The following CDH18 variants were observed in gnomAD, a reference collection of about 807,000 sequenced individuals.
The protein encoded by CDH18 is cadherin 18, also known as cadherin-18.
Under a neutral mutation model 67.9 loss-of-function variants are expected in CDH18, and 31 were observed. That is an observed-to-expected ratio of 0.46 (90% CI 0.34 to 0.62). The LOEUF is 0.62. CDH18 is among the 20% of genes least tolerant of loss of function. The pLI, the probability that CDH18 is intolerant of heterozygous loss-of-function variation, is 0.01. For missense variants in CDH18, 890 were observed against 975.5 expected (o/e 0.91, Z 1.17); for synonymous variants, 362 against 347.2 (o/e 1.04, Z -0.48).
In CDH18 at chr5:20,173,464, G is replaced by A. The variant is rs567559706; in HGVS notation, c.-518+81980C>T. Among the ~76,000 whole-genome samples, 23 of 152,254 alleles carry A rather than the reference G, an allele frequency of 1.5e-4. No homozygotes were observed. The South Asian group carries it at 1.9e-3, about 12-fold the overall frequency. On this transcript the variant is annotated intron_variant, in intron 2 of 14. Coordinates refer to the CDH18 transcript ENST00000507958. The stretch of plus-strand genomic sequence containing the variant: ...GGAGGAAAAGCAATCTAGATGGCAG[G>A]TTTGAAGCTGGAGGGTCGGTAAGAT...
chr5:20,129,358 ATTAATTTTACACAAT>A (rs1250346298), intron 2 of CDH18, among the ~76,000 whole-genome samples: 2 of 152,116 alleles, frequency 1.3e-5, no homozygotes, highest in African/African-American at 4.8e-5. Flanking sequence ...GAAAACATAC[ATTAATTTTACACAAT>A]TTGCTTTTTA....
At chr5:20,145,351 T>C (rs1224456029) in intron 2 of CDH18, among the ~76,000 whole-genome samples, 1 of 152,186 alleles carries the variant, frequency 6.6e-6, no homozygotes, top group East Asian at 1.9e-4. Context: ...TTATTCACAT[T>C]ATTATAATAA....
chr5:20,167,956 G>C (rs1736420262), intron 2 of CDH18, among the ~76,000 whole-genome samples: 1 of 152,164 alleles, frequency 6.6e-6, no homozygotes, highest in Non-Finnish European at 1.5e-5. Context: ...TTAAAAATGT[G>C]TGGTGTGGAT....
chr5:20,212,177 A>G lies in CDH18; in HGVS notation c.-518+43267T>C, dbSNP rs375891553. Among the ~76,000 whole-genome samples the G allele has an allele frequency of 2.0e-5, 3 of 152,194 alleles. No individual in the cohort carries two copies. In the East Asian group the frequency reaches 5.8e-4, roughly 29 times the overall value. ...GATTCGATCAACTGGAAGAAAGGGT[A>G]TCAGTGATTGAAGATAAAATGAATG... is the stretch of plus-strand genomic sequence containing the variant. On this transcript the variant is annotated intron_variant, in intron 2 of 14. Coordinates refer to the CDH18 transcript ENST00000507958.
intron 1 of CDH18, among the ~76,000 whole-genome samples, chr5:20,351,558 G>C (rs183233031): frequency 6.7e-6 from 1 of 149,250 alleles, no homozygotes; most frequent in East Asian, 2.0e-4. Context: ...GACTTAGTTT[G>C]TCCATACAGT....
intron 3 of CDH18, among the ~76,000 whole-genome samples, chr5:19,767,408 G>A (rs977691653): frequency 2.6e-5 from 4 of 152,094 alleles, no homozygotes; most frequent in African/African-American, 9.6e-5. Flanking sequence ...AAAACGTCAT[G>A]AAGGAAATAA....
rs573219751 is a variant in CDH18 at position 19,613,406 on chromosome 5, T to C, written c.644-805A>G. On this transcript the variant is annotated intron_variant, in intron 5 of 12. Transcript: ENST00000382275. The stretch of plus-strand genomic sequence containing the variant: ...CAGAGATTATAGGCAGGAGGCATAT[T>C]AACACGTATCAAAGACTAAGAAACT... Among the ~76,000 whole-genome samples, 24 of 152,280 alleles carry C rather than the reference T, an allele frequency of 1.6e-4. No homozygotes were observed. In the East Asian group the frequency reaches 3.5e-3, roughly 22 times the overall value.
chr5:19,553,065 T>C (rs1236156987), intron 8 of CDH18, among the ~76,000 whole-genome samples: 1 of 152,112 alleles, frequency 6.6e-6, no homozygotes, highest in African/African-American at 2.4e-5. Context: ...TAGTAAAAAT[T>C]CAATCTCAAT....
At chr5:20,305,990 A>G (rs1208279225) in intron 1 of CDH18, 1 of 154,592 alleles carries the variant, frequency 6.5e-6, no homozygotes, top group Non-Finnish European at 1.4e-5. Flanking sequence ...AGCTGCATAT[A>G]TATACAATTT....
At chr5:19,492,614 C>T (rs1377685258) in intron 11 of CDH18, among the ~76,000 whole-genome samples, 1 of 151,886 alleles carries the variant, frequency 6.6e-6, no homozygotes. Context: ...TTTAAATGCT[C>T]TAACTTAAAA....
At chr5:19,966,743 C>T (rs190222926) in intron 2 of CDH18, among the ~76,000 whole-genome samples, 2 of 151,934 alleles carry the variant, frequency 1.3e-5, no homozygotes, top group Admixed American at 6.6e-5. Flanking sequence ...TATATGCGTG[C>T]TTATTCACCT....
At chr5:20,424,374 C>A (rs190700285) in intron 1 of CDH18, among the ~76,000 whole-genome samples, 4 of 150,676 alleles carry the variant, frequency 2.7e-5, no homozygotes, top group African/African-American at 1.0e-4. Flanking sequence ...AAGGAAAGAA[C>A]AAGGATGTTT....
At chr5:20,488,294 A>G (rs1753336177) in intron 1 of CDH18, among the ~76,000 whole-genome samples, 1 of 152,180 alleles carries the variant, frequency 6.6e-6, no homozygotes, top group African/African-American at 2.4e-5. Flanking sequence ...ATGCAAAAGT[A>G]CAATCAAGTT....
At chr5:20,510,959 A>T (rs1754996138) in intron 1 of CDH18, among the ~76,000 whole-genome samples, 1 of 152,232 alleles carries the variant, frequency 6.6e-6, no homozygotes, top group Non-Finnish European at 1.5e-5. Flanking sequence ...ATCCTTTTTA[A>T]CAAATGGTAT....
intron 1 of CDH18, among the ~76,000 whole-genome samples, chr5:20,407,722 ATTTT>A (rs76065305): frequency 1.4e-4 from 21 of 149,536 alleles, no homozygotes; most frequent in South Asian, 6.3e-4. Flanking sequence ...AAAAAAAATA[ATTTT>A]TTTTTTTAAA....
chr5:19,589,670 T>C (rs1161354657), intron 7 of CDH18, among the ~76,000 whole-genome samples: 1 of 152,112 alleles, frequency 6.6e-6, no homozygotes, highest in African/African-American at 2.4e-5. Flanking sequence ...AGTCACTTTT[T>C]TCTTACATCT....
At chr5:20,244,922 A>T (rs1413401422) in intron 2 of CDH18, among the ~76,000 whole-genome samples, 1 of 152,120 alleles carries the variant, frequency 6.6e-6, no homozygotes, top group Non-Finnish European at 1.5e-5. Context: ...TTCAGCCTTT[A>T]AACAACAGAT....
At position 19,571,480 on chromosome 5, in the gene CDH18, G is replaced by A. The variant is rs116316279; in HGVS notation, c.1253+99C>T. On this transcript the variant is annotated intron_variant, in intron 8 of 12. Coordinates refer to ENST00000382275, the MANE Select transcript of CDH18 (RefSeq NM_004934.5). ...TTTAATTATATTCGTAGAAAACAAC[G>A]TAGAAATAAAACATTTTAAGTGTAA... is the stretch of plus-strand genomic sequence containing the variant. The A allele has an allele frequency of 8.2e-3, 8,785 of 1,064,880 alleles. 61 individuals are homozygous for A. The highest frequency in any genetic ancestry group is 9.9e-3 in the Non-Finnish European group (7,409 of 745,638). 66.0% of individuals were successfully genotyped at this position (1,064,880 alleles called of 1,614,324 possible).
intron 5 of CDH18, among the ~76,000 whole-genome samples, chr5:19,706,340 A>T (rs1561101543): frequency 6.6e-6 from 1 of 152,244 alleles, no homozygotes; most frequent in African/African-American, 2.4e-5. Context: ...CTAATGCCAG[A>T]CACTTTCGCA....
Sources: allele counts gnomAD v4.1 joint callset (sites outside exome capture counted in the v4.1 genomes callset), GRCh38; gene constraint gnomAD v4.1.1; transcripts MANE v1.5; gene names NCBI Gene and HGNC (gene_info 2026-07-23, HGNC 2026-07-21).